The following MRC1 variants were observed in gnomAD, a reference collection of about 807,000 sequenced individuals.
The protein encoded by MRC1 is macrophage mannose receptor 1.
Under a neutral mutation model 102.9 loss-of-function variants are expected in MRC1, and 62 were observed. The ratio of observed to expected loss-of-function variants is 0.60; its 90% CI spans 0.49 to 0.74. The LOEUF (loss-of-function observed/expected upper bound fraction) is 0.74, where lower values mean the gene tolerates loss of function less well. MRC1 is among the 30% of genes least tolerant of loss of function. The probability of loss-of-function intolerance (pLI) is 0.00; values close to 1 mark genes in which losing one functional copy is unlikely to be tolerated. For synonymous variants in MRC1, 457 were observed against 298.4 expected, an observed-to-expected ratio of 1.53 and a Z score of -5.48; for missense variants, 1,237 against 862.8, an observed-to-expected ratio of 1.43 and a Z score of -5.43.
At chr10:17,826,064 T>C (rs1838469995) in intron 2 of MRC1, among the ~76,000 whole-genome samples, 1 of 152,148 alleles carries the variant, frequency 6.6e-6, no homozygotes, top group Admixed American at 6.5e-5. Flanking sequence ...AAAGAGGACT[T>C]GATAATTACA....
intron 29 of MRC1, 46 bp downstream of exon 29, chr10:17,909,393 G>A (rs1017955624): frequency 7.0e-5 from 58 of 833,376 alleles, no homozygotes; most frequent in Middle Eastern, 4.5e-4. Context: ...TAATACATCC[G>A]TACTGTTTGT....
chr10:17,849,722 A>C lies in MRC1; in HGVS notation c.1207A>C (p.Thr403Pro). ...AGGCGGTGACCTCACAAGTATCCACACCATCGAGGAATTGGACTTTATTAT... is the reference window on the plus strand; with the variant it reads ...AGGCGGTGACCTCACAAGTATCCACCCCATCGAGGAATTGGACTTTATTAT... The part of the protein sequence containing the change: ...KEGGDLTSIH[T>P]IEELDFIISQ... Residue 403 changes from threonine (T) to proline (P), a missense_variant, in exon 7 of 30, where the codon ACC becomes CCC. Transcript: ENST00000569591. The C allele has an allele frequency of 2.6e-6, 2 of 780,992 alleles. No homozygotes were observed. Among genetic ancestry groups the C allele is most frequent in the Non-Finnish European group, 2.4e-6 (1 of 418,106 alleles). The allele number at this position is 780,992 out of a possible 1,614,324, so 48.4% of individuals were successfully genotyped here.
chr10:17,849,110 A>G (rs1202562341), intron 6 of MRC1, among the ~76,000 whole-genome samples: 5 of 148,402 alleles, frequency 3.4e-5, no homozygotes, highest in African/African-American at 7.3e-5. Context: ...ATGTATTAGT[A>G]TAGTCTTGTT....
chr10:17,897,216 C>T (rs1057075055), intron 23 of MRC1, among the ~76,000 whole-genome samples: 1 of 152,212 alleles, frequency 6.6e-6, no homozygotes, highest in Non-Finnish European at 1.5e-5. Flanking sequence ...CATCCTCTGG[C>T]TATTATTTGC....
At chr10:17,827,507 T>C in intron 2 of MRC1, 35 bp from the exon 3 acceptor site, 1 of 695,706 alleles carries the variant, frequency 1.4e-6, no homozygotes. Context: ...GAAATATCAC[T>C]CACATTCCAA....
At position 17,868,956 on chromosome 10, in the gene MRC1, A is replaced by G. The variant is rs1833317328; in HGVS notation, c.1984-1290A>G. On this transcript the variant is annotated intron_variant, in intron 12 of 29. Transcript: ENST00000569591. ...TACCTCTGGAAACTTTTGAGTTACT[A>G]CACAAAGGCCAGATTCATCTTATTC... Among the ~76,000 whole-genome samples the G allele has an allele frequency of 5.3e-5, 8 of 152,358 alleles. No homozygotes were observed. The South Asian group carries it at 1.7e-3, about 32-fold the overall frequency.
At chr10:17,838,166 T>C (rs2130621051) in intron 4 of MRC1, among the ~76,000 whole-genome samples, 1 of 152,292 alleles carries the variant, frequency 6.6e-6, no homozygotes, top group African/African-American at 2.4e-5. Flanking sequence ...CCTGCCTGTG[T>C]CTCACGCACA....
At chr10:17,908,847 G>A (rs1263219816) in intron 28 of MRC1, among the ~76,000 whole-genome samples, 14 of 152,194 alleles carry the variant, frequency 9.2e-5, no homozygotes, top group African/African-American at 3.4e-4. Flanking sequence ...GGGATTACAG[G>A]CGTGAGCCAC....
chr10:17,838,901 A>G (rs934969191), intron 4 of MRC1, among the ~76,000 whole-genome samples: 8 of 152,250 alleles, frequency 5.3e-5, no homozygotes, highest in Non-Finnish European at 1.0e-4. Flanking sequence ...CAGCAATACT[A>G]AAATATTTTG....
chr10:17,869,419 A>G (rs1400617363), intron 12 of MRC1, among the ~76,000 whole-genome samples: 3 of 152,194 alleles, frequency 2.0e-5, no homozygotes, highest in Non-Finnish European at 4.4e-5. Flanking sequence ...TTGGGCAACC[A>G]TAGTGCCTTG....
chr10:17,856,204 T>G (rs1237408415), intron 8 of MRC1, 38 bp from the exon 9 acceptor site: 1 of 793,366 alleles, frequency 1.3e-6, no homozygotes, highest in Non-Finnish European at 2.2e-6. Flanking sequence ...CCCAAACTGA[T>G]AATCCTTTAT....
intron 11 of MRC1, among the ~76,000 whole-genome samples, chr10:17,866,105 A>G (rs1338513534): frequency 7.2e-5 from 11 of 152,200 alleles, no homozygotes; most frequent in African/African-American, 2.2e-4. Context: ...AGGAGAAAGC[A>G]AGTTCAGAGC....
intron 6 of MRC1, among the ~76,000 whole-genome samples, chr10:17,848,528 C>T (rs895121827): frequency 3.9e-5 from 6 of 152,024 alleles, no homozygotes; most frequent in African/African-American, 1.4e-4. Flanking sequence ...CTATTAGTAG[C>T]GAGGCTGAGG....
At chr10:17,839,113 T>C (rs1838712532) in intron 4 of MRC1, among the ~76,000 whole-genome samples, 1 of 152,124 alleles carries the variant, frequency 6.6e-6, no homozygotes, top group Admixed American at 6.5e-5. Flanking sequence ...ATGGGGCATA[T>C]ACCATATGTC....
chr10:17,816,677 C>T (rs957701575), intron 1 of MRC1, among the ~76,000 whole-genome samples: 3 of 152,096 alleles, frequency 2.0e-5, no homozygotes, highest in African/African-American at 4.8e-5. Flanking sequence ...CAGCGAAGGC[C>T]GAGGAGAAAT....
At chr10:17,846,249 A>G (rs1838824065) in intron 6 of MRC1, among the ~76,000 whole-genome samples, 1 of 152,186 alleles carries the variant, frequency 6.6e-6, no homozygotes, top group Admixed American at 6.5e-5. Context: ...CAAGAAAAAA[A>G]AAAATCAATT....
intron 7 of MRC1, among the ~76,000 whole-genome samples, chr10:17,852,607 A>G (rs1183843748): frequency 6.6e-6 from 1 of 152,234 alleles, no homozygotes; most frequent in Non-Finnish European, 1.5e-5. Flanking sequence ...GGCATGGTAA[A>G]TTATTTGCAA....
chr10:17,846,375 C>T (rs893231646), intron 6 of MRC1, among the ~76,000 whole-genome samples: 4 of 152,108 alleles, frequency 2.6e-5, no homozygotes, highest in Non-Finnish European at 4.4e-5. Context: ...GGAGGGACAG[C>T]GAATGCTTTA....
intron 9 of MRC1, among the ~76,000 whole-genome samples, chr10:17,860,827 A>G (rs1350029383): frequency 6.6e-6 from 1 of 152,190 alleles, no homozygotes; most frequent in African/African-American, 2.4e-5. Flanking sequence ...GTTGCAAGAT[A>G]CATTATAAGT....
Sources: allele counts gnomAD v4.1 joint callset (sites outside exome capture counted in the v4.1 genomes callset), GRCh38; gene constraint gnomAD v4.1.1; transcripts MANE v1.5; gene names NCBI Gene and HGNC (gene_info 2026-07-23, HGNC 2026-07-21).